ZNF33B: variants seen among roughly 807,000 people sequenced by gnomAD.
ZNF33B encodes zinc finger protein 33B.
ZNF33B carries 29 observed loss-of-function variants against 45.8 expected under a neutral mutation model. The observed-to-expected ratio is 0.63, with a 90% confidence interval of 0.47 to 0.86. The LOEUF (loss-of-function observed/expected upper bound fraction) is 0.86, where lower values mean the gene tolerates loss of function less well. ZNF33B is among the 40% of genes least tolerant of loss of function. ZNF33B has a pLI of 0.00. For synonymous variants in ZNF33B, 305 were observed against 307.8 expected (o/e 0.99, Z 0.10); for missense variants, 831 against 909.9 (o/e 0.91, Z 1.12).
At chr10:42,635,333 C>T (rs1365409841) in intron 2 of ZNF33B, among the ~76,000 whole-genome samples, 1 of 151,732 alleles carries the variant, frequency 6.6e-6, no homozygotes, top group Non-Finnish European at 1.5e-5. Flanking sequence ...ACTGAAGCCA[C>T]AGATTAAATG....
At chr10:42,637,591 GACAA>G (rs891083338) in intron 1 of ZNF33B, among the ~76,000 whole-genome samples, 13 of 152,244 alleles carry the variant, frequency 8.5e-5, no homozygotes, top group African/African-American at 2.6e-4. Context: ...CAGTAACCTT[GACAA>G]ACAAAAAACA....
intron 4 of ZNF33B, among the ~76,000 whole-genome samples, chr10:42,595,079 TA>T (rs1837344009): frequency 6.6e-6 from 1 of 152,182 alleles, no homozygotes. Context: ...CCCATGACTT[TA>T]GCATAACTAG....
downstream of ZNF33B, among the ~76,000 whole-genome samples, chr10:42,587,774 C>T (rs190003420): frequency 7.2e-5 from 11 of 152,314 alleles, no homozygotes; most frequent in Admixed American, 2.6e-4. Flanking sequence ...AGAGTTACTT[C>T]CTCTGGTAAT....
At chr10:42,605,846 A>C (rs997210948) in intron 4 of ZNF33B, among the ~76,000 whole-genome samples, 2 of 152,210 alleles carry the variant, frequency 1.3e-5, no homozygotes, top group African/African-American at 4.8e-5. Flanking sequence ...CAGTAATCCC[A>C]ACACTTTGGG....
chr10:42,627,221 T>G (rs1838851981), intron 4 of ZNF33B, among the ~76,000 whole-genome samples: 3 of 152,162 alleles, frequency 2.0e-5, no homozygotes, highest in Admixed American at 2.0e-4. Context: ...CCAGGGTGGT[T>G]GCAAACTCTT....
Position 42,610,021 on chromosome 10 carries a change from C to A in ZNF33B, c.251-15322G>T, listed in dbSNP as rs1352514803. ...AAAACAAGATAAGAATGCCTTCTTG[C>A]CAGTTACACATCACACAGCAGATTG... is the stretch of plus-strand genomic sequence containing the variant. On this transcript the variant is annotated intron_variant, in intron 4 of 4. Coordinates refer to ENST00000359467, the MANE Select transcript of ZNF33B (RefSeq NM_006955.3). Among the ~76,000 whole-genome samples, 3 of 151,976 alleles carry A rather than the reference C, an allele frequency of 2.0e-5. No homozygotes were observed. In the East Asian group the frequency reaches 5.8e-4, roughly 29 times the overall value.
chr10:42,623,682 T>G (rs1285199288), intron 4 of ZNF33B, among the ~76,000 whole-genome samples: 1 of 152,196 alleles, frequency 6.6e-6, no homozygotes, highest in African/African-American at 2.4e-5. Context: ...GAGGGGGGAA[T>G]GAGTAGTTAC....
At chr10:42,584,388 G>A (rs1836886901), downstream of ZNF33B, among the ~76,000 whole-genome samples, 1 of 152,134 alleles carries the variant, frequency 6.6e-6, no homozygotes, top group Admixed American at 6.5e-5. Flanking sequence ...TTAGGCAATG[G>A]TGGCCATGAG....
intron 4 of ZNF33B, among the ~76,000 whole-genome samples, chr10:42,598,225 G>A (rs1837479691): frequency 6.6e-6 from 1 of 152,184 alleles, no homozygotes; most frequent in South Asian, 2.1e-4. Flanking sequence ...ATACTTTACT[G>A]ACCATGATGA....
At chr10:42,605,458 G>A (rs1232596455) in intron 4 of ZNF33B, among the ~76,000 whole-genome samples, 1 of 152,020 alleles carries the variant, frequency 6.6e-6, no homozygotes, top group Non-Finnish European at 1.5e-5. Flanking sequence ...AAAAATTTTT[G>A]TTAATAACTT....
chr10:42,609,042 G>A (rs190673466), intron 4 of ZNF33B, among the ~76,000 whole-genome samples: 44 of 152,070 alleles, frequency 2.9e-4, no homozygotes, highest in African/African-American at 9.4e-4. Flanking sequence ...AAACAAAAAC[G>A]ACTAAAACCA....
chr10:42,608,856 C>T (rs991505532), intron 4 of ZNF33B, among the ~76,000 whole-genome samples: 4 of 147,190 alleles, frequency 2.7e-5, no homozygotes, highest in African/African-American at 1.0e-4. Flanking sequence ...ACAAAATATA[C>T]AAACCTCTAA....
At chr10:42,610,095 T>C (rs1428925999) in intron 4 of ZNF33B, among the ~76,000 whole-genome samples, 1 of 147,952 alleles carries the variant, frequency 6.8e-6, no homozygotes, top group East Asian at 2.0e-4. Context: ...AAAAAAAAAG[T>C]GGAACTATAT....
intron 4 of ZNF33B, among the ~76,000 whole-genome samples, chr10:42,623,186 G>C (rs1179916318): frequency 6.6e-6 from 1 of 152,234 alleles, no homozygotes; most frequent in Non-Finnish European, 1.5e-5. Context: ...AGAATCACTT[G>C]AACACAGGAG....
At chr10:42,617,133 T>C (rs149257708) in intron 4 of ZNF33B, among the ~76,000 whole-genome samples, 1 of 122,806 alleles carries the variant, frequency 8.1e-6, no homozygotes, top group East Asian at 2.7e-4. Flanking sequence ...AGGCAAGGTC[T>C]CACTCTGTCA....
At chr10:42,630,496 C>T (rs1338189816) in intron 4 of ZNF33B, among the ~76,000 whole-genome samples, 2 of 152,160 alleles carry the variant, frequency 1.3e-5, no homozygotes, top group Non-Finnish European at 2.9e-5. Context: ...ATATCTTTTG[C>T]TAAATTTGAG....
At chr10:42,621,874 T>G (rs1311980163) in intron 4 of ZNF33B, among the ~76,000 whole-genome samples, 1 of 152,126 alleles carries the variant, frequency 6.6e-6, no homozygotes, top group Non-Finnish European at 1.5e-5. Flanking sequence ...AAGAGAGGCA[T>G]CCATTGCAAA....
chr10:42,608,157 A>G lies in ZNF33B; in HGVS notation c.251-13458T>C, dbSNP rs548294748. Among the ~76,000 whole-genome samples the G allele has an allele frequency of 6.4e-4, 98 of 152,316 alleles. 2 individuals carry two copies. The highest frequency in any genetic ancestry group is 2.2e-3 in the African/African-American group (92 of 41,578). On this transcript the variant is annotated intron_variant, in intron 4 of 4. Transcript: ENST00000359467. ...AGGGTCAATCGATAAAGGAGACATAACAATTCTAAGCATATATACTACTAA... is the reference window on the plus strand; with the variant it reads ...AGGGTCAATCGATAAAGGAGACATAGCAATTCTAAGCATATATACTACTAA...
chr10:42,585,499 G>A (rs1312384038), downstream of ZNF33B, among the ~76,000 whole-genome samples: 1 of 152,232 alleles, frequency 6.6e-6, no homozygotes, highest in Non-Finnish European at 1.5e-5. Context: ...CAAAGGGTTT[G>A]CATCTTAGTT....
Sources: gnomAD v4.1 joint callset for allele counts (sites outside exome capture counted in the v4.1 genomes callset) on GRCh38, gnomAD v4.1.1 for gene constraint, MANE v1.5 for transcripts, NCBI Gene and HGNC (gene_info 2026-07-23, HGNC 2026-07-21) for gene names.